The following CLMP variants were observed in gnomAD, a reference collection of about 807,000 sequenced individuals.
The protein encoded by CLMP is CXADR like cell adhesion molecule, also known as CXADR-like membrane protein.
CLMP carries 27 observed loss-of-function variants against 45.2 expected under a neutral mutation model. The ratio of observed to expected loss-of-function variants is 0.60; its 90% CI spans 0.44 to 0.82. CLMP has a LOEUF of 0.82. Ranked by LOEUF, CLMP falls within the 40% of genes least tolerant of loss-of-function variation. CLMP has a pLI of 0.00. For missense variants in CLMP, 403 were observed against 448.4 expected, an observed-to-expected ratio of 0.90 and a Z score of 0.91; for synonymous variants, 167 against 171.4, an observed-to-expected ratio of 0.97 and a Z score of 0.20.
chr11:123,073,361 C>T lies in CLMP; in HGVS notation c.*113G>A. The T allele has an allele frequency of 8.5e-7, 1 of 1,179,338 alleles. No homozygotes were observed. Among genetic ancestry groups the T allele is most frequent in the African/African-American group, 1.6e-5 (1 of 63,426 alleles). 73.1% of individuals were successfully genotyped at this position (1,179,338 alleles called of 1,614,324 possible). ...AATCTGTTCCGTGCAATGCTCACTG[C>T]TACTTAGATGACCTCTCATCTGGTT... On this transcript the variant is annotated 3_prime_UTR_variant, in exon 7 of 7. Coordinates refer to ENST00000448775, the MANE Select transcript of CLMP (RefSeq NM_024769.5).
At chr11:123,075,577 C>T (rs1300526291) in intron 5 of CLMP, among the ~76,000 whole-genome samples, 1 of 151,754 alleles carries the variant, frequency 6.6e-6, no homozygotes, top group Admixed American at 6.6e-5. Flanking sequence ...TTAGTAGAGA[C>T]GGGGTTTCAC....
chr11:123,092,916 T>A (rs1865950372), intron 2 of CLMP, among the ~76,000 whole-genome samples: 1 of 149,898 alleles, frequency 6.7e-6, no homozygotes, highest in African/African-American at 2.5e-5. Context: ...ACTTTTTTTT[T>A]TTTTTTTTTG....
At chr11:123,170,477 T>C (rs1163232765) in intron 1 of CLMP, among the ~76,000 whole-genome samples, 1 of 150,876 alleles carries the variant, frequency 6.6e-6, no homozygotes, top group Non-Finnish European at 1.5e-5. Context: ...TCTCACTCTG[T>C]TGCCCAAGCT....
intron 1 of CLMP, among the ~76,000 whole-genome samples, chr11:123,187,635 TG>T (rs532909934): frequency 1.2e-3 from 176 of 152,360 alleles, no homozygotes; most frequent in African/African-American, 4.1e-3. Flanking sequence ...GGTGAGTAGA[TG>T]GCCATTCTTA....
intron 1 of CLMP, among the ~76,000 whole-genome samples, chr11:123,117,585 C>T (rs1260709855): frequency 6.6e-6 from 1 of 152,064 alleles, no homozygotes; most frequent in African/African-American, 2.4e-5. Flanking sequence ...CGCCACCATG[C>T]CTGGCTAATT....
At chr11:123,150,472 AAAG>A (rs1861304720) in intron 1 of CLMP, among the ~76,000 whole-genome samples, 1 of 84,286 alleles carries the variant, frequency 1.2e-5, no homozygotes, top group Non-Finnish European at 2.6e-5. Context: ...AGAAAGAAAG[AAAG>A]AAAGAAAGGA....
At chr11:123,166,851 C>T (rs372808991) in intron 1 of CLMP, among the ~76,000 whole-genome samples, 20 of 152,096 alleles carry the variant, frequency 1.3e-4, no homozygotes, top group Non-Finnish European at 2.4e-4. Context: ...CGGATTTGAT[C>T]GTTACGTATC....
At chr11:123,134,482 G>C (rs1278668903) in intron 1 of CLMP, among the ~76,000 whole-genome samples, 1 of 151,602 alleles carries the variant, frequency 6.6e-6, no homozygotes, top group Non-Finnish European at 1.5e-5. Context: ...GGAGCCATTG[G>C]GGTTTTTAAG....
intron 1 of CLMP, among the ~76,000 whole-genome samples, chr11:123,122,797 CCT>C (rs1450576800): frequency 6.6e-6 from 1 of 152,080 alleles, no homozygotes; most frequent in Non-Finnish European, 1.5e-5. Flanking sequence ...TTACTTTCCC[CCT>C]CTCTTCCTCC....
In CLMP at chr11:123,112,492, C is replaced by T. The variant is rs909564018; in HGVS notation, c.29-14540G>A. Among the ~76,000 whole-genome samples, 163 of 151,726 alleles carry T rather than the reference C, an allele frequency of 1.1e-3. 1 individual carries two copies. Among genetic ancestry groups the T allele is most frequent in the Middle Eastern group, 3.2e-3 (1 of 314 alleles). On this transcript the variant is annotated intron_variant, in intron 1 of 6. Coordinates refer to ENST00000448775, the MANE Select transcript of CLMP (RefSeq NM_024769.5). ...AGCTGGGATTACAGGTGCCCGCTAC[C>T]ACGCTTGGCTAATTTTGTGTTTTCA...
intron 1 of CLMP, among the ~76,000 whole-genome samples, chr11:123,135,117 A>G (rs12274492): frequency 0.27 from 41,472 of 151,748 alleles, 6,380 homozygotes; most frequent in African/African-American, 0.43. Context: ...AAAATTAGCC[A>G]GACATGGTGG....
At chr11:123,174,368 C>T (rs1401921696) in intron 1 of CLMP, among the ~76,000 whole-genome samples, 1 of 152,152 alleles carries the variant, frequency 6.6e-6, no homozygotes, top group African/African-American at 2.4e-5. Flanking sequence ...TTCAGGGAAA[C>T]AAGATGGTTA....
chr11:123,144,459 C>T (rs146673975), intron 1 of CLMP, among the ~76,000 whole-genome samples: 68 of 152,312 alleles, frequency 4.5e-4, no homozygotes, highest in African/African-American at 1.6e-3. Flanking sequence ...GCAACCTCCG[C>T]CTCCTGGGTT....
intron 1 of CLMP, among the ~76,000 whole-genome samples, chr11:123,112,037 A>G (rs1200604260): frequency 1.3e-5 from 2 of 152,196 alleles, no homozygotes; most frequent in Admixed American, 6.6e-5. Context: ...GGAATTTATT[A>G]TGAAACAAAT....
intron 1 of CLMP, among the ~76,000 whole-genome samples, chr11:123,125,384 T>G (rs548753763): frequency 6.6e-6 from 1 of 151,988 alleles, no homozygotes; most frequent in East Asian, 1.9e-4. Flanking sequence ...AAGAGGAGAC[T>G]CCTGCATGAA....
At chr11:123,119,008 T>C (rs1453730116) in intron 1 of CLMP, among the ~76,000 whole-genome samples, 3 of 34,028 alleles carry the variant, frequency 8.8e-5, no homozygotes, top group African/African-American at 3.2e-4. Context: ...TTTCTCTCTC[T>C]CTCTCTCTCT....
intron 1 of CLMP, among the ~76,000 whole-genome samples, chr11:123,187,087 T>A (rs1227220496): frequency 6.6e-6 from 1 of 152,194 alleles, no homozygotes; most frequent in African/African-American, 2.4e-5. Context: ...CATCACCTCA[T>A]GTAATTTTCA....
chr11:123,105,653 C>T (rs1860533866), intron 1 of CLMP, among the ~76,000 whole-genome samples: 1 of 151,740 alleles, frequency 6.6e-6, no homozygotes, highest in Non-Finnish European at 1.5e-5. Context: ...TTGTCTCAAA[C>T]TCCTGACCTC....
chr11:123,162,094 A>T (rs1232207962), intron 1 of CLMP, among the ~76,000 whole-genome samples: 1 of 152,212 alleles, frequency 6.6e-6, no homozygotes, highest in East Asian at 1.9e-4. Flanking sequence ...ACAATGTTAA[A>T]CCAAATGCCA....
Sources: gnomAD v4.1 joint callset for allele counts (sites outside exome capture counted in the v4.1 genomes callset) on GRCh38, gnomAD v4.1.1 for gene constraint, MANE v1.5 for transcripts, NCBI Gene and HGNC (gene_info 2026-07-23, HGNC 2026-07-21) for gene names.